Variants in RRM2 observed in about 807,000 individuals in gnomAD.
The protein encoded by RRM2 is ribonucleoside-diphosphate reductase subunit M2.
RRM2 carries 6 observed loss-of-function variants against 45.9 expected under a neutral mutation model. The ratio of observed to expected loss-of-function variants is 0.13; its 90% CI spans 0.07 to 0.26. The LOEUF (loss-of-function observed/expected upper bound fraction) is 0.26. Ranked by LOEUF, RRM2 falls within the 10% of genes least tolerant of loss-of-function variation. RRM2 has a pLI of 1.00. For synonymous variants in RRM2, 177 were observed against 173.0 expected, an observed-to-expected ratio of 1.02 and a Z score of -0.18; for missense variants, 343 against 489.5, an observed-to-expected ratio of 0.70 and a Z score of 2.82.
At chr2:10,144,920 A>AC (rs1445944348) in intron 3 of RRM2, among the ~76,000 whole-genome samples, 3 of 152,156 alleles carry the variant, frequency 2.0e-5, no homozygotes, top group Non-Finnish European at 4.4e-5. Context: ...GGTGGGGGTG[A>AC]CCGTGTTATG....
Position 10,128,761 on chromosome 2 carries a change from G to GAATGCAGAAAAGGAC in RRM2, c.799-84_799-70dup. 6.4e-6 allele frequency: 6 copies of GAATGCAGAAAAGGAC among 935,730 alleles called. No homozygotes were observed. The South Asian group carries it at 8.3e-5, about 13-fold the overall frequency. The allele number at this position is 935,730 out of a possible 1,614,324, so 58.0% of individuals were successfully genotyped here. On this transcript the variant is annotated intron_variant, in intron 7 of 9. Transcript: ENST00000304567. Reference sequence around the variant, plus strand: ...TATGGCTGAGCATGTTGGATAAGGAGAATGCAGAAAAGGACAAAGTAATTT... The same window carrying GAATGCAGAAAAGGAC: ...TATGGCTGAGCATGTTGGATAAGGAGAATGCAGAAAAGGACAATGCAGAAAAGGACAAAGTAATTT...
chr2:10,208,600 A>C (rs565587320), intron 3 of RRM2, among the ~76,000 whole-genome samples: 2 of 152,234 alleles, frequency 1.3e-5, no homozygotes, highest in Non-Finnish European at 2.9e-5. Context: ...AGATGAGTAA[A>C]GGGTTATTGA....
At chr2:10,178,162 G>A (rs1310079021) in intron 3 of RRM2, among the ~76,000 whole-genome samples, 5 of 150,614 alleles carry the variant, frequency 3.3e-5, no homozygotes, top group Admixed American at 6.6e-5. Context: ...TCCTGACCTC[G>A]TGATCTGCCT....
intron 3 of RRM2, among the ~76,000 whole-genome samples, chr2:10,181,822 T>C (rs542299046): frequency 7.0e-6 from 1 of 142,288 alleles, no homozygotes; most frequent in Non-Finnish European, 1.5e-5. Flanking sequence ...TGGAGTGCAG[T>C]GTTGCGATCA....
At position 10,129,610 on chromosome 2, in the gene RRM2, T is replaced by C; in HGVS notation, c.*224T>C. ...GGCTGGCTGTGACTTACCATAGCAG[T>C]GACAATGGCAGTCTTGGCTTTAAAG... On this transcript the variant is annotated 3_prime_UTR_variant, in exon 10 of 10. Transcript: ENST00000304567. The surrounding 1 kb of genome is among the most constrained non-coding windows in gnomAD (Gnocchi z 4.8). 1.8e-6 allele frequency: 1 copy of C among 541,670 alleles called. No individual in the cohort carries two copies. The highest frequency in any genetic ancestry group is 3.2e-6 in the Non-Finnish European group (1 of 309,396). 33.6% of individuals were successfully genotyped at this position (541,670 alleles called of 1,614,324 possible).
chr2:10,167,849 G>A (rs1178774092), intron 3 of RRM2, among the ~76,000 whole-genome samples: 2 of 152,086 alleles, frequency 1.3e-5, no homozygotes, highest in African/African-American at 4.8e-5. Context: ...GATTTAATAA[G>A]CCCTTAGGTC....
intron 3 of RRM2, among the ~76,000 whole-genome samples, chr2:10,157,506 A>G (rs574562497): frequency 6.6e-6 from 1 of 152,238 alleles, no homozygotes; most frequent in African/African-American, 2.4e-5. Flanking sequence ...AGTCCTGACC[A>G]CACTAAGGCG....
At chr2:10,138,202 T>C (rs961777935), upstream of RRM2, among the ~76,000 whole-genome samples, 1 of 149,680 alleles carries the variant, frequency 6.7e-6, no homozygotes, top group Non-Finnish European at 1.5e-5. Context: ...AGTTTCTCCC[T>C]TGTTGCCCAG....
intron 3 of RRM2, among the ~76,000 whole-genome samples, chr2:10,201,474 G>T (rs1310195021): frequency 6.6e-6 from 1 of 152,202 alleles, no homozygotes; most frequent in Admixed American, 6.5e-5. Context: ...TGATATCAAT[G>T]AACATTCCAG....
At chr2:10,137,221 T>C (rs896167112), upstream of RRM2, among the ~76,000 whole-genome samples, 2 of 147,018 alleles carry the variant, frequency 1.4e-5, no homozygotes, top group Non-Finnish European at 3.1e-5. Context: ...AGAGGACTGG[T>C]CTGCACAAAG....
chr2:10,207,348 C>A lies in RRM2; in HGVS notation n.483-2963C>A, dbSNP rs114667326. 7.0e-3 allele frequency among the ~76,000 whole-genome samples: 1,061 copies of A among 152,284 alleles called. 11 individuals carry two copies. Among genetic ancestry groups the A allele is most frequent in the African/African-American group, 0.024 (1,002 of 41,546 alleles). On this transcript the variant is annotated intron_variant and non_coding_transcript_variant, in intron 3 of 3. Coordinates refer to the RRM2 transcript ENST00000381786. ...CAATTGGCCTTCCAGCCCCTGAACC[C>A]CTCTGATCTGCTCAGCCCGCTCTCC...
At chr2:10,144,868 G>C (rs529818100) in intron 3 of RRM2, among the ~76,000 whole-genome samples, 3 of 152,160 alleles carry the variant, frequency 2.0e-5, no homozygotes, top group South Asian at 4.1e-4. Flanking sequence ...CTGCCCACTG[G>C]GGGAAGGGCG....
In RRM2 at chr2:10,177,201, G is replaced by A. The variant is rs968039148; in HGVS notation, n.483-33110G>A. 3.3e-5 allele frequency among the ~76,000 whole-genome samples: 5 copies of A among 152,036 alleles called. No homozygotes were observed. The East Asian group carries it at 5.8e-4, about 18-fold the overall frequency. ...TTGAAGGTTGCGGTGAACCAAGATC[G>A]CACCATTGCACTCCAGCCTGGGCGA... On this transcript the variant is annotated intron_variant and non_coding_transcript_variant, in intron 3 of 3. Transcript: ENST00000381786.
Position 10,129,870 on chromosome 2 carries a change from T to A in RRM2, c.*484T>A, listed in dbSNP as rs1344219650. On this transcript the variant is annotated 3_prime_UTR_variant, in exon 10 of 10. Transcript: ENST00000304567. This position sits in a 1 kb window ranked among gnomAD's most constrained non-coding sequence, Gnocchi z 4.8. ...CTCCTGACCACTAATGGGAGCCAAT[T>A]CACAATTCACTAAGTGACTAAAGTA... 1 of 153,658 alleles carries A rather than the reference T, an allele frequency of 6.5e-6. No individual in the cohort carries two copies. Among genetic ancestry groups the A allele is most frequent in the East Asian group, 1.9e-4 (1 of 5,212 alleles). 9.5% of individuals were successfully genotyped at this position (153,658 alleles called of 1,614,324 possible). A position where few individuals can be genotyped will look rare whatever the true frequency, so the allele number is the denominator to read the frequency against.
chr2:10,128,394 G>A (rs932552811), intron 7 of RRM2, among the ~76,000 whole-genome samples: 4 of 152,362 alleles, frequency 2.6e-5, no homozygotes, highest in Admixed American at 6.5e-5. Context: ...TGGGAGATAA[G>A]CTGTGAAGCT....
intron 3 of RRM2, among the ~76,000 whole-genome samples, chr2:10,182,846 A>G (rs1289466462): frequency 6.6e-6 from 1 of 152,086 alleles, no homozygotes; most frequent in Non-Finnish European, 1.5e-5. Flanking sequence ...ACATCCATGC[A>G]AGGAAATAAA....
intron 3 of RRM2, among the ~76,000 whole-genome samples, chr2:10,157,728 CT>C (rs1477705728): frequency 6.6e-6 from 1 of 152,188 alleles, no homozygotes; most frequent in Non-Finnish European, 1.5e-5. Flanking sequence ...CATTCTACCC[CT>C]GATTGGCATT....
intron 3 of RRM2, among the ~76,000 whole-genome samples, chr2:10,168,343 C>T (rs989505967): frequency 1.9e-4 from 29 of 151,972 alleles, no homozygotes; most frequent in African/African-American, 6.3e-4. Context: ...GATTTAATAG[C>T]GGGTTCGAGA....
intron 3 of RRM2, among the ~76,000 whole-genome samples, chr2:10,181,359 G>A (rs1007415952): frequency 1.3e-5 from 2 of 152,190 alleles, no homozygotes; most frequent in African/African-American, 4.8e-5. Flanking sequence ...CACCAGAAAT[G>A]TATTAGTTTT....
Sources: allele counts gnomAD v4.1 joint callset (sites outside exome capture counted in the v4.1 genomes callset), GRCh38; gene constraint gnomAD v4.1.1; non-coding constraint Gnocchi (gnomAD v3.1); transcripts MANE v1.5; gene names NCBI Gene and HGNC (gene_info 2026-07-23, HGNC 2026-07-21).